Variants in GRIN3A observed in about 807,000 individuals in gnomAD.
GRIN3A encodes the protein glutamate receptor ionotropic, NMDA 3A.
Under a neutral mutation model 92.4 loss-of-function variants are expected in GRIN3A, and 47 were observed. The observed-to-expected ratio is 0.51, with a 90% CI of 0.40 to 0.65. The LOEUF (loss-of-function observed/expected upper bound fraction) is 0.65, where lower values mean the gene tolerates loss of function less well. Among genes scored for constraint, GRIN3A ranks in the 30% least tolerant of loss-of-function variants. The pLI, the probability that GRIN3A is intolerant of heterozygous loss-of-function variation, is 0.00. For synonymous variants in GRIN3A, 527 were observed against 540.6 expected (o/e 0.97, Z 0.35); for missense variants, 1,324 against 1,393.1 (o/e 0.95, Z 0.79).
At chr9:101,725,678 T>C (rs995529297) in intron 1 of GRIN3A, among the ~76,000 whole-genome samples, 2 of 152,236 alleles carry the variant, frequency 1.3e-5, no homozygotes, top group Non-Finnish European at 2.9e-5. Context: ...TCACTATTGA[T>C]ACCTCCTTTG....
At chr9:101,578,607 A>G (rs901221845) in intron 7 of GRIN3A, among the ~76,000 whole-genome samples, 1 of 152,206 alleles carries the variant, frequency 6.6e-6, no homozygotes, top group African/African-American at 2.4e-5. Context: ...TTGGGTCTCC[A>G]TGCCAATTTC....
intron 3 of GRIN3A, among the ~76,000 whole-genome samples, chr9:101,643,237 A>G (rs1828889874): frequency 6.6e-6 from 1 of 152,180 alleles, no homozygotes; most frequent in African/African-American, 2.4e-5. Flanking sequence ...AAATGTGCTA[A>G]GGATCTTGAA....
intron 3 of GRIN3A, among the ~76,000 whole-genome samples, chr9:101,633,626 A>T (rs1470968236): frequency 2.0e-5 from 3 of 152,162 alleles, no homozygotes; most frequent in Non-Finnish European, 4.4e-5. Context: ...TGATATTCTC[A>T]TAGGAGCATG....
chr9:101,729,055 A>G (rs1157729894), intron 1 of GRIN3A, among the ~76,000 whole-genome samples: 5 of 152,136 alleles, frequency 3.3e-5, no homozygotes, highest in African/African-American at 4.8e-5. Context: ...CCCAAATACC[A>G]ACTGGGTTGT....
At chr9:101,735,673 G>C (rs1288158048) in intron 1 of GRIN3A, among the ~76,000 whole-genome samples, 1 of 151,864 alleles carries the variant, frequency 6.6e-6, no homozygotes, top group African/African-American at 2.4e-5. Flanking sequence ...TAAGAAGCAA[G>C]TGATGCTGAC....
chr9:101,663,865 C>A, intron 3 of GRIN3A, among the ~76,000 whole-genome samples: 1 of 144,962 alleles, frequency 6.9e-6, no homozygotes, highest in African/African-American at 2.5e-5. Flanking sequence ...TTTTCTTTTT[C>A]TTTTTTTTTT....
chr9:101,691,082 G>T (rs906768973), intron 1 of GRIN3A, among the ~76,000 whole-genome samples: 2 of 151,850 alleles, frequency 1.3e-5, no homozygotes, highest in East Asian at 3.9e-4. Context: ...AAAAATAAAG[G>T]AACATGAAAA....
chr9:101,577,964 A>G, intron 7 of GRIN3A, 120 bp from the exon 8 acceptor site: 1 of 721,538 alleles, frequency 1.4e-6, no homozygotes, highest in Admixed American at 2.0e-5. Context: ...TCTTTAAACA[A>G]ATTCCAGAAA....
chr9:101,670,327 A>C lies in GRIN3A; in HGVS notation c.2085T>G (p.Tyr695Ter), dbSNP rs1479796222. ...LHITAVFLTL[Y>*]EWKSPFGLTP... ...TCAAACCAAATGGACTCTTCCATTC[A>C]TACAGAGTGAGGAAGACGGCAGTGA... Residue 695 changes from tyrosine to a stop codon, truncating the protein, a stop_gained, in exon 3 of 9, where the codon TAT becomes TAG. Coordinates refer to ENST00000361820, the MANE Select transcript of GRIN3A (RefSeq NM_133445.3). LOFTEE classifies it high-confidence loss of function. 1.2e-6 allele frequency: 2 copies of C among 1,614,036 alleles called. No individual in the cohort carries two copies. Among genetic ancestry groups the C allele is most frequent in the Admixed American group, 1.7e-5 (1 of 60,004 alleles).
chr9:101,656,630 A>G (rs1311377371), intron 3 of GRIN3A, among the ~76,000 whole-genome samples: 1 of 151,900 alleles, frequency 6.6e-6, no homozygotes, highest in Non-Finnish European at 1.5e-5. Context: ...TCTAGGGCAG[A>G]GCCTGAGATT....
intron 3 of GRIN3A, among the ~76,000 whole-genome samples, chr9:101,652,076 G>C (rs540806528): frequency 6.6e-6 from 1 of 152,044 alleles, no homozygotes; most frequent in African/African-American, 2.4e-5. Context: ...GTCAGCTACT[G>C]TGCTAAAAGG....
intron 6 of GRIN3A, among the ~76,000 whole-genome samples, chr9:101,604,487 A>G (rs1828251384): frequency 6.6e-6 from 1 of 152,154 alleles, no homozygotes; most frequent in South Asian, 2.1e-4. Flanking sequence ...ATTAAACTTA[A>G]TTACTTAGGC....
chr9:101,670,164 C>T lies in GRIN3A; in HGVS notation c.2248G>A (p.Ala750Thr). The T allele has an allele frequency of 6.2e-7, 1 of 1,613,732 alleles. No individual in the cohort carries two copies. The highest frequency in any genetic ancestry group is 1.1e-5 in the South Asian group (1 of 91,058). Residue 750 changes from alanine (A) to threonine (T), a missense_variant, in exon 3 of 9, where the codon GCC becomes ACC. Transcript: ENST00000361820. ...WTGRFLMNLWAIFCMFCLSTY... is the reference protein window; with the variant it reads ...WTGRFLMNLWTIFCMFCLSTY... ...GAAAGGCAAAACATACAGAAAATGGCCCAAAGGTTCATTAGAAACCTTCCA... is the reference window on the plus strand; with the variant it reads ...GAAAGGCAAAACATACAGAAAATGGTCCAAAGGTTCATTAGAAACCTTCCA...
In GRIN3A at chr9:101,670,334, G is replaced by A; in HGVS notation, c.2078C>T (p.Thr693Ile). 2 of 1,614,028 alleles carry A rather than the reference G, an allele frequency of 1.2e-6. No individual in the cohort carries two copies. The highest frequency in any genetic ancestry group is 2.2e-5 in the East Asian group (1 of 44,854). The part of the protein sequence containing the change: ...VALHITAVFL[T>I]LYEWKSPFGL... ...AAATGGACTCTTCCATTCATACAGA[G>A]TGAGGAAGACGGCAGTGATGTGCAG... Residue 693 changes from threonine (T) to isoleucine (I), a missense_variant, in exon 3 of 9, where the codon ACT (threonine) becomes ATT (isoleucine). Physicochemically the swap from Thr to Ile is moderately conservative, Grantham distance 89 (BLOSUM62 -1). Transcript: ENST00000361820.
At chr9:101,654,942 A>C (rs1185956751) in intron 3 of GRIN3A, among the ~76,000 whole-genome samples, 2 of 151,916 alleles carry the variant, frequency 1.3e-5, no homozygotes, top group Non-Finnish European at 2.9e-5. Flanking sequence ...AAACAGACAA[A>C]ATACATATGG....
intron 5 of GRIN3A, among the ~76,000 whole-genome samples, chr9:101,614,604 T>C (rs994305458): frequency 2.0e-5 from 3 of 148,300 alleles, no homozygotes; most frequent in Non-Finnish European, 4.5e-5. Flanking sequence ...CATATATATG[T>C]GATACTTTTT....
chr9:101,709,049 A>G (rs1829844760), intron 1 of GRIN3A, among the ~76,000 whole-genome samples: 1 of 152,290 alleles, frequency 6.6e-6, no homozygotes, highest in Admixed American at 6.5e-5. Context: ...TCACTCTTTA[A>G]ACAGCCTGCT....
chr9:101,733,899 A>G (rs531501687), intron 1 of GRIN3A, among the ~76,000 whole-genome samples: 38 of 152,064 alleles, frequency 2.5e-4, no homozygotes, highest in Admixed American at 1.6e-3. Flanking sequence ...GGGTCTTACT[A>G]TGTCACCCAG....
intron 3 of GRIN3A, among the ~76,000 whole-genome samples, chr9:101,658,034 T>C (rs1373275165): frequency 6.6e-6 from 1 of 151,968 alleles, no homozygotes; most frequent in South Asian, 2.1e-4. Flanking sequence ...AGGAAAGGAC[T>C]TGTTGGAATA....
Sources: gnomAD v4.1 joint callset for allele counts (sites outside exome capture counted in the v4.1 genomes callset) on GRCh38, gnomAD v4.1.1 for gene constraint, MANE v1.5 for transcripts, NCBI Gene and HGNC (gene_info 2026-07-23, HGNC 2026-07-21) for gene names.